The following CDYL variants were observed in gnomAD, a reference collection of about 807,000 sequenced individuals.
CDYL encodes the protein chromodomain Y like.
CDYL carries 8 observed loss-of-function variants against 47.3 expected under a neutral mutation model. The ratio of observed to expected loss-of-function variants is 0.17; its 90% confidence interval spans 0.10 to 0.31. The LOEUF (loss-of-function observed/expected upper bound fraction) is 0.31. CDYL is among the 10% of genes least tolerant of loss of function. The pLI is 1.00. For synonymous variants in CDYL, 266 were observed against 265.0 expected, an observed-to-expected ratio of 1.00 and a Z score of -0.04; for missense variants, 471 against 701.4, an observed-to-expected ratio of 0.67 and a Z score of 3.71.
chr6:4,928,856 A>G (rs554288494), intron 2 of CDYL: 5 of 152,240 alleles, frequency 3.3e-5, no homozygotes, highest in African/African-American at 1.2e-4. Context: ...ACTTTAATAT[A>G]TTTGTATAGT....
At chr6:4,782,386 CCATTCCTGACT>C in intron 1 of CDYL, among the ~76,000 whole-genome samples, 1 of 152,084 alleles carries the variant, frequency 6.6e-6, no homozygotes, top group African/African-American at 2.4e-5. Context: ...GAATGAATCT[CCATTCCTGACT>C]CCTTACTTAC....
chr6:4,831,702 T>C (rs1760149622), intron 1 of CDYL, among the ~76,000 whole-genome samples: 1 of 152,232 alleles, frequency 6.6e-6, no homozygotes, highest in African/African-American at 2.4e-5. Context: ...TGATTCTTCC[T>C]ACCCATGAGC....
At chr6:4,952,916 C>T (rs113326955) in intron 6 of CDYL, among the ~76,000 whole-genome samples, 13 of 151,992 alleles carry the variant, frequency 8.6e-5, no homozygotes, top group African/African-American at 1.4e-4. Flanking sequence ...TACAGGCATG[C>T]GCCACCATGC....
intron 1 of CDYL, chr6:4,714,491 G>C (rs1003336366): frequency 2.0e-5 from 3 of 152,316 alleles, no homozygotes; most frequent in East Asian, 1.9e-4. Context: ...TATATAATAA[G>C]CTCTCAACAG....
rs1472391970 is a variant in CDYL at position 4,799,956 on chromosome 6, C to T, written c.24+23149C>T. Among the ~76,000 whole-genome samples, 7 of 152,120 alleles carry T rather than the reference C, an allele frequency of 4.6e-5. No homozygotes were observed. The East Asian group carries it at 7.7e-4, about 17-fold the overall frequency. On this transcript the variant is annotated intron_variant, in intron 1 of 6. Coordinates refer to ENST00000397588, the MANE Select transcript of CDYL (RefSeq NM_004824.4). ...CTTTTTTGTTTCTAGTAATACTTTT[C>T]GAAGTCTACTTTGTTTTACATTAAT...
At chr6:4,746,918 A>G (rs539577605) in intron 3 of CDYL, among the ~76,000 whole-genome samples, 2 of 152,022 alleles carry the variant, frequency 1.3e-5, no homozygotes, top group Admixed American at 1.3e-4. Context: ...GTCCTGCTCC[A>G]TGCTGCGTTA....
intron 1 of CDYL, among the ~76,000 whole-genome samples, chr6:4,878,078 C>G (rs1761666352): frequency 6.6e-6 from 1 of 152,026 alleles, no homozygotes; most frequent in Non-Finnish European, 1.5e-5. Context: ...ATTTTGTAAA[C>G]CTTGCATTTC....
intron 1 of CDYL, among the ~76,000 whole-genome samples, chr6:4,852,352 A>C (rs1445965872): frequency 1.6e-5 from 2 of 125,658 alleles, no homozygotes; most frequent in African/African-American, 6.4e-5. Context: ...CCTTCCTTCC[A>C]ATCTTCCTTC....
At chr6:4,915,519 C>G (rs1314166544) in intron 2 of CDYL, among the ~76,000 whole-genome samples, 1 of 152,168 alleles carries the variant, frequency 6.6e-6, no homozygotes, top group Non-Finnish European at 1.5e-5. Flanking sequence ...TCATTATACC[C>G]TTACCGCTTT....
intron 1 of CDYL, among the ~76,000 whole-genome samples, chr6:4,793,125 C>G (rs1393193473): frequency 6.6e-6 from 1 of 151,006 alleles, no homozygotes; most frequent in Non-Finnish European, 1.5e-5. Context: ...GCAAATTTCT[C>G]TCCTCATGGT....
At chr6:4,880,814 A>G (rs556079267) in intron 1 of CDYL, among the ~76,000 whole-genome samples, 1 of 152,332 alleles carries the variant, frequency 6.6e-6, no homozygotes, top group Non-Finnish European at 1.5e-5. Context: ...TTTATTTGCC[A>G]TCAGTATGTC....
chr6:4,753,961 T>C (rs1250436545), intron 3 of CDYL, among the ~76,000 whole-genome samples: 2 of 152,182 alleles, frequency 1.3e-5, no homozygotes, highest in African/African-American at 4.8e-5. Flanking sequence ...CAATTTGTTT[T>C]ATCTATGTAG....
intron 2 of CDYL, among the ~76,000 whole-genome samples, chr6:4,733,978 A>G (rs979942868): frequency 6.6e-6 from 1 of 151,500 alleles, no homozygotes; most frequent in African/African-American, 2.4e-5. Flanking sequence ...CAGCCACCCA[A>G]GTAGCTAGGA....
intron 1 of CDYL, among the ~76,000 whole-genome samples, chr6:4,709,020 T>C (rs1285889627): frequency 6.6e-6 from 1 of 151,830 alleles, no homozygotes; most frequent in Non-Finnish European, 1.5e-5. Flanking sequence ...AAAAATAAAA[T>C]AAAATAAAAT....
intron 2 of CDYL, among the ~76,000 whole-genome samples, chr6:4,931,620 T>TC (rs1758036029): frequency 6.6e-6 from 1 of 152,162 alleles, no homozygotes; most frequent in Non-Finnish European, 1.5e-5. Flanking sequence ...AGCCTGTGAC[T>TC]CCAAGACTCG....
At chr6:4,863,605 A>G (rs1761236161) in intron 1 of CDYL, among the ~76,000 whole-genome samples, 1 of 152,204 alleles carries the variant, frequency 6.6e-6, no homozygotes, top group Non-Finnish European at 1.5e-5. Context: ...GCAAAATGGT[A>G]TTTCCCATGA....
intron 1 of CDYL, among the ~76,000 whole-genome samples, chr6:4,822,753 A>G (rs1413959162): frequency 6.6e-6 from 1 of 152,196 alleles, no homozygotes; most frequent in African/African-American, 2.4e-5. Flanking sequence ...ATAATGTGCA[A>G]AATATTTTCA....
chr6:4,872,243 A>C (rs962283482), intron 1 of CDYL, among the ~76,000 whole-genome samples: 8 of 150,944 alleles, frequency 5.3e-5, no homozygotes, highest in Non-Finnish European at 8.8e-5. Context: ...ACCTGTCATG[A>C]CCTTTACACC....
rs566027358 is a variant in CDYL at position 4,732,863 on chromosome 6, G to A, written c.104-1899G>A. The stretch of plus-strand genomic sequence containing the variant: ...GGCAGAGATAGGAGGATTAGATGGA[G>A]TATTTGGCTGAACAGGGACAACAGA... On this transcript the variant is annotated intron_variant, in intron 2 of 8. Transcript: ENST00000328908. Among the ~76,000 whole-genome samples, 5 of 152,314 alleles carry A rather than the reference G, an allele frequency of 3.3e-5. No individual in the cohort carries two copies. The East Asian group carries it at 9.6e-4, about 29-fold the overall frequency.
Sources: allele counts gnomAD v4.1 joint callset (sites outside exome capture counted in the v4.1 genomes callset), GRCh38; gene constraint gnomAD v4.1.1; transcripts MANE v1.5; gene names NCBI Gene and HGNC (gene_info 2026-07-23, HGNC 2026-07-21).